The following VPS13B variants were observed in gnomAD, a reference collection of about 807,000 sequenced individuals.
VPS13B encodes vacuolar protein sorting 13 homolog B.
In VPS13B, 285 loss-of-function variants were observed where a neutral mutation model predicts 426.4. That is an observed-to-expected ratio of 0.67 (90% confidence interval 0.61 to 0.74). The LOEUF is 0.74. Among genes scored for constraint, VPS13B ranks in the 30% least tolerant of loss-of-function variants. VPS13B has a pLI of 0.00. For missense variants in VPS13B, 4,537 were observed against 4,782.6 expected (o/e 0.95, Z 1.51); for synonymous variants, 1,676 against 1,676.4 (o/e 1.00, Z 0.01).
At chr8:99,300,834 G>T (rs1166428751) in intron 19 of VPS13B, among the ~76,000 whole-genome samples, 1 of 150,732 alleles carries the variant, frequency 6.6e-6, no homozygotes, top group Non-Finnish European at 1.5e-5. Flanking sequence ...ATAAGTGTTA[G>T]CCTACCTCAT....
intron 33 of VPS13B, among the ~76,000 whole-genome samples, chr8:99,615,620 T>A (rs1350526636): frequency 2.0e-5 from 3 of 152,204 alleles, no homozygotes; most frequent in Non-Finnish European, 4.4e-5. Flanking sequence ...CAGTTTATAA[T>A]GGATCACTGT....
In VPS13B at chr8:99,672,907, G is replaced by A. The variant is rs184200920; in HGVS notation, c.6046+11416G>A. Among the ~76,000 whole-genome samples, 516 of 152,096 alleles carry A rather than the reference G, an allele frequency of 3.4e-3. 4 individuals carry two copies. The highest frequency in any genetic ancestry group is 5.6e-3 in the Non-Finnish European group (379 of 67,920). ...CTGCACCTGTTGAAATGATCATATGGTTTTTGTCCTACATTCTGTTAATGT... is the reference window on the plus strand; with the variant it reads ...CTGCACCTGTTGAAATGATCATATGATTTTTGTCCTACATTCTGTTAATGT... On this transcript the variant is annotated intron_variant, in intron 35 of 61. Coordinates refer to ENST00000357162, the MANE Select transcript of VPS13B (RefSeq NM_152564.5).
chr8:99,408,933 T>C (rs553051018), intron 21 of VPS13B, among the ~76,000 whole-genome samples: 1 of 152,154 alleles, frequency 6.6e-6, no homozygotes, highest in Non-Finnish European at 1.5e-5. Flanking sequence ...AATGATCAAC[T>C]TTTTCAGATT....
chr8:99,590,818 T>G (rs1292399858), intron 33 of VPS13B, among the ~76,000 whole-genome samples: 1 of 152,166 alleles, frequency 6.6e-6, no homozygotes, highest in Non-Finnish European at 1.5e-5. Context: ...TTCGGTTGAT[T>G]TGGGGTGAGG....
chr8:99,018,261 C>G (rs1841719589), intron 2 of VPS13B, among the ~76,000 whole-genome samples: 1 of 152,160 alleles, frequency 6.6e-6, no homozygotes, highest in African/African-American at 2.4e-5. Flanking sequence ...TGGCTCACGC[C>G]TGTAATCCCA....
At chr8:99,331,839 TAC>T (rs1388525970) in intron 19 of VPS13B, among the ~76,000 whole-genome samples, 1 of 151,794 alleles carries the variant, frequency 6.6e-6, no homozygotes, top group Non-Finnish European at 1.5e-5. Flanking sequence ...TGCATGATCT[TAC>T]AGCATTTTAT....
At chr8:99,577,864 T>G in intron 33 of VPS13B, 1 of 539,228 alleles carries the variant, frequency 1.9e-6, no homozygotes, top group Non-Finnish European at 3.3e-6. Context: ...TGGACTGACC[T>G]CAGAGGAACC....
intron 33 of VPS13B, among the ~76,000 whole-genome samples, chr8:99,585,513 G>A (rs1334341111): frequency 1.3e-5 from 2 of 152,140 alleles, no homozygotes; most frequent in African/African-American, 4.8e-5. Context: ...ACCCAGAAAT[G>A]CAAGGTTGGT....
chr8:99,432,176 A>G lies in VPS13B; in HGVS notation c.3210+512A>G, dbSNP rs182507625. 3.4e-3 allele frequency among the ~76,000 whole-genome samples: 520 copies of G among 152,200 alleles called. 2 individuals are homozygous for G. The highest frequency in any genetic ancestry group is 0.012 in the African/African-American group (498 of 41,554). On this transcript the variant is annotated intron_variant, in intron 22 of 61. Transcript: ENST00000357162. ...TATTGAATTACTTTCTTTCAAGATCATGTTTAACCTGACTAAAATATACAA... is the reference window on the plus strand; with the variant it reads ...TATTGAATTACTTTCTTTCAAGATCGTGTTTAACCTGACTAAAATATACAA...
At chr8:99,226,450 C>T (rs1816023943) in intron 17 of VPS13B, among the ~76,000 whole-genome samples, 1 of 151,960 alleles carries the variant, frequency 6.6e-6, no homozygotes, top group African/African-American at 2.4e-5. Flanking sequence ...AATATTATTC[C>T]ACTGACGTCC....
intron 19 of VPS13B, among the ~76,000 whole-genome samples, chr8:99,332,419 A>G (rs976797033): frequency 1.1e-4 from 16 of 151,698 alleles, no homozygotes; most frequent in African/African-American, 7.2e-5. Context: ...TTATGCAAGT[A>G]AGAGAACAGT....
At chr8:99,588,465 C>T (rs1465299620) in intron 33 of VPS13B, among the ~76,000 whole-genome samples, 1 of 151,654 alleles carries the variant, frequency 6.6e-6, no homozygotes, top group African/African-American at 2.4e-5. Flanking sequence ...AATGTTCTTC[C>T]ATTTGTTTGT....
intron 42 of VPS13B, among the ~76,000 whole-genome samples, chr8:99,780,584 T>A (rs985685823): frequency 6.6e-6 from 1 of 152,192 alleles, no homozygotes; most frequent in Admixed American, 6.5e-5. Context: ...TTTGATTAAG[T>A]AGAGCCATAT....
At chr8:99,762,055 C>A (rs1205569888) in intron 39 of VPS13B, among the ~76,000 whole-genome samples, 1 of 151,708 alleles carries the variant, frequency 6.6e-6, no homozygotes, top group African/African-American at 2.4e-5. Flanking sequence ...GAAACAGGGT[C>A]TCCATCTGTT....
chr8:99,144,480 C>G (rs990899768), intron 13 of VPS13B, among the ~76,000 whole-genome samples: 1 of 148,270 alleles, frequency 6.7e-6, no homozygotes, highest in Non-Finnish European at 1.5e-5. Flanking sequence ...CACAACAAGA[C>G]CCTGTTTCAA....
intron 35 of VPS13B, among the ~76,000 whole-genome samples, chr8:99,670,931 C>T (rs1346901181): frequency 1.3e-5 from 2 of 152,090 alleles, no homozygotes; most frequent in African/African-American, 4.8e-5. Flanking sequence ...ATGAATTGTG[C>T]TGCAGTAAAC....
At chr8:99,823,593 C>T (rs1814503682) in intron 50 of VPS13B, among the ~76,000 whole-genome samples, 1 of 152,078 alleles carries the variant, frequency 6.6e-6, no homozygotes, top group African/African-American at 2.4e-5. Flanking sequence ...TCTGTCACTA[C>T]AGAACAGCAG....
chr8:99,054,114 GAGT>G (rs1843710563), intron 3 of VPS13B, among the ~76,000 whole-genome samples: 1 of 152,180 alleles, frequency 6.6e-6, no homozygotes, highest in South Asian at 2.1e-4. Flanking sequence ...TTTGGTTATT[GAGT>G]ATAATGCTAC....
intron 3 of VPS13B, 82 bp downstream of exon 3, chr8:99,038,648 A>C (rs927706274): frequency 8.6e-7 from 1 of 1,165,144 alleles, no homozygotes; most frequent in Non-Finnish European, 1.3e-6. Flanking sequence ...AAATATGCCA[A>C]CTGTTACATA....
Sources: allele counts gnomAD v4.1 joint callset (sites outside exome capture counted in the v4.1 genomes callset), GRCh38; gene constraint gnomAD v4.1.1; transcripts MANE v1.5; gene names NCBI Gene and HGNC (gene_info 2026-07-23, HGNC 2026-07-21).